Variants in NMI observed in about 807,000 individuals in gnomAD.
NMI encodes N-myc and STAT interactor.
A neutral mutation model predicts 34.3 loss-of-function variants in NMI; 39 were observed. The ratio of observed to expected loss-of-function variants is 1.14; its 90% CI spans 0.88 to 1.49. The LOEUF is 1.49. Among genes scored for constraint, NMI ranks in the 40% most tolerant of loss-of-function variants. The pLI, the probability that NMI is intolerant of heterozygous loss-of-function variation, is 0.00. For synonymous variants in NMI, 113 were observed against 120.3 expected, an observed-to-expected ratio of 0.94 and a Z score of 0.40; for missense variants, 339 against 358.1, an observed-to-expected ratio of 0.95 and a Z score of 0.43.
At chr2:151,286,091 A>C (rs1683490961) in intron 1 of NMI, among the ~76,000 whole-genome samples, 1 of 152,232 alleles carries the variant, frequency 6.6e-6, no homozygotes, top group Non-Finnish European at 1.5e-5. Context: ...AATTTCAAAG[A>C]AGAAAAGAGT....
At chr2:151,286,826 T>C (rs1683507337) in intron 1 of NMI, among the ~76,000 whole-genome samples, 1 of 152,090 alleles carries the variant, frequency 6.6e-6, no homozygotes, top group African/African-American at 2.4e-5. Flanking sequence ...CTTCCACATC[T>C]CCCTTTCCCC....
intron 6 of NMI, among the ~76,000 whole-genome samples, chr2:151,272,363 T>C (rs564676176): frequency 6.6e-6 from 1 of 152,230 alleles, no homozygotes; most frequent in East Asian, 1.9e-4. Flanking sequence ...CCATGTTTTT[T>C]ATGACTCTTC....
intron 1 of NMI, among the ~76,000 whole-genome samples, chr2:151,287,168 G>A (rs1573749695): frequency 6.6e-6 from 1 of 152,110 alleles, no homozygotes; most frequent in Admixed American, 6.6e-5. Flanking sequence ...AAGATGATAG[G>A]TCACCAGATT....
intron 4 of NMI, chr2:151,278,558 G>A: frequency 2.6e-6 from 1 of 384,156 alleles, no homozygotes; most frequent in Non-Finnish European, 4.8e-6. Context: ...GAGGTAGCAT[G>A]TGGAGTAGAA....
intron 1 of NMI, among the ~76,000 whole-genome samples, chr2:151,286,965 G>A (rs1240760266): frequency 1.3e-5 from 2 of 152,058 alleles, no homozygotes; most frequent in Non-Finnish European, 2.9e-5. Context: ...GCCCTTCAGA[G>A]AGCAAAGAGG....
Position 151,278,865 on chromosome 2 carries a change from T to C in NMI, c.303A>G (p.Gln101=), listed in dbSNP as rs769501756. 1.2e-6 allele frequency: 2 copies of C among 1,613,688 alleles called. No individual in the cohort carries two copies. The highest frequency in any genetic ancestry group is 2.2e-5 in the South Asian group (2 of 91,056). Residue 101 remains glutamine (Q), a synonymous_variant, in exon 4 of 8, where the codon CAA becomes CAG. Transcript: ENST00000243346. ...QVSSKVPYEI[Q]KGQALITFEK... is the part of the protein sequence containing the mutation. The stretch of plus-strand genomic sequence containing the variant: ...CAAAGGTGATAAGTGCTTGTCCTTT[T>C]TGTATCTCATAAGGAACTTTCGAGC...
chr2:151,270,911 A>G, intron 7 of NMI, 36 bp from the exon 8 acceptor site: 2 of 1,498,808 alleles, frequency 1.3e-6, no homozygotes, highest in Non-Finnish European at 1.8e-6. Flanking sequence ...AAAGATTTCT[A>G]AGAGCTTTGA....
At position 151,282,124 on chromosome 2, in the gene NMI, C is replaced by A. The variant is rs1683418718; in HGVS notation, c.82-81G>T. 2.7e-5 allele frequency: 18 copies of A among 664,226 alleles called. No individual in the cohort carries two copies. The South Asian group carries it at 3.1e-4, about 12-fold the overall frequency. The allele number at this position is 664,226 out of a possible 1,614,324, so 41.1% of individuals were successfully genotyped here. A position where few individuals can be genotyped will look rare whatever the true frequency, so the allele number is the denominator to read the frequency against. ...CGAATGAACTAAAGACTATAAATTT[C>A]TCTCATCCTGACCAAAGAAAGACAT... On this transcript the variant is annotated intron_variant, in intron 2 of 7. Transcript: ENST00000243346.
intron 1 of NMI, among the ~76,000 whole-genome samples, chr2:151,287,321 A>T (rs912756447): frequency 4.4e-5 from 5 of 114,286 alleles, no homozygotes; most frequent in Middle Eastern, 4.2e-3. Context: ...TCTCTCTCTC[A>T]CACACATACA....
intron 6 of NMI, among the ~76,000 whole-genome samples, chr2:151,274,574 C>G (rs915782447): frequency 3.3e-5 from 5 of 150,054 alleles, no homozygotes; most frequent in African/African-American, 1.2e-4. Flanking sequence ...CTCCTGGGTT[C>G]AAGCTATTCT....
In NMI at chr2:151,282,853, T is replaced by TA. The variant is rs745850526; in HGVS notation, c.81+14dup. ...TAAAATAATTTTTAATAATACCCAGTAATTTCCTTTTTACCTTATTTTGTT... is the reference window on the plus strand; with the variant it reads ...TAAAATAATTTTTAATAATACCCAGTAAATTTCCTTTTTACCTTATTTTGTT... On this transcript the variant is annotated intron_variant, in intron 2 of 7. Transcript: ENST00000243346. The TA allele has an allele frequency of 7.7e-7, 1 of 1,303,512 alleles. No individual in the cohort carries two copies. Among genetic ancestry groups the TA allele is most frequent in the East Asian group, 2.4e-5 (1 of 41,036 alleles). The allele number at this position is 1,303,512 out of a possible 1,614,324, so 80.7% of individuals were successfully genotyped here.
intron 4 of NMI, 82 bp from the exon 5 acceptor site, chr2:151,275,946 T>C: frequency 1.1e-6 from 1 of 923,592 alleles, no homozygotes. Flanking sequence ...CAAATTATCC[T>C]GAATATTTTT....
chr2:151,270,558 A>G lies in NMI; in HGVS notation c.*135T>C. 3 of 676,364 alleles carry G rather than the reference A, an allele frequency of 4.4e-6. No individual in the cohort carries two copies. The highest frequency in any genetic ancestry group is 7.3e-6 in the Non-Finnish European group (3 of 410,042). The allele number at this position is 676,364 out of a possible 1,614,324, so 41.9% of individuals were successfully genotyped here. A position where few individuals can be genotyped will look rare whatever the true frequency, so the allele number is the denominator to read the frequency against. On this transcript the variant is annotated 3_prime_UTR_variant, in exon 8 of 8. Coordinates refer to ENST00000243346, the MANE Select transcript of NMI (RefSeq NM_004688.3). ...ACAAAGAAGATTCAGAAACATGGAA[A>G]TAAGTTTTGTATCTAAACATAAATG...
At chr2:151,287,570 C>T (rs1683526738) in intron 1 of NMI, among the ~76,000 whole-genome samples, 1 of 152,104 alleles carries the variant, frequency 6.6e-6, no homozygotes, top group African/African-American at 2.4e-5. Flanking sequence ...ACTTAATCTC[C>T]ATCTAATGAA....
chr2:151,275,381 TA>T, intron 6 of NMI, 102 bp downstream of exon 6: 1 of 1,048,930 alleles, frequency 9.5e-7, no homozygotes, highest in Non-Finnish European at 1.4e-6. Flanking sequence ...ATTATCATGC[TA>T]ATACATTCCA....
intron 3 of NMI, 138 bp downstream of exon 3, chr2:151,281,810 T>C: frequency 1.6e-6 from 1 of 641,212 alleles, no homozygotes; most frequent in Non-Finnish European, 2.8e-6. Flanking sequence ...TGGGTTGTTT[T>C]CCATTTTGAA....
At chr2:151,286,519 C>T (rs764164404) in intron 1 of NMI, among the ~76,000 whole-genome samples, 3 of 152,132 alleles carry the variant, frequency 2.0e-5, no homozygotes, top group Non-Finnish European at 4.4e-5. Context: ...TCTCTCTGAC[C>T]TCCCCCTCCT....
rs541081261 is a variant in NMI at position 151,281,016 on chromosome 2, T to C, written c.177+932A>G. 1.3e-4 allele frequency among the ~76,000 whole-genome samples: 20 copies of C among 152,186 alleles called. No homozygotes were observed. In the East Asian group the frequency reaches 3.7e-3, roughly 28 times the overall value. ...CCACCATGCCTGGCTAATTTTTCTT[T>C]TTTAGTAGAGACAGGGTTTCACCAT... On this transcript the variant is annotated intron_variant, in intron 3 of 7. Coordinates refer to ENST00000243346, the MANE Select transcript of NMI (RefSeq NM_004688.3).
Position 151,289,596 on chromosome 2 carries a change from C to G in NMI, c.-10G>C, listed in dbSNP as rs1439473099. 1 of 152,264 alleles carries G rather than the reference C, an allele frequency of 6.6e-6. No homozygotes were observed. The highest frequency in any genetic ancestry group is 2.4e-5 in the African/African-American group (1 of 41,462). 9.4% of individuals were successfully genotyped at this position (152,264 alleles called of 1,614,324 possible). On this transcript the variant is annotated 5_prime_UTR_variant, in exon 1 of 8. Transcript: ENST00000243346. Reference sequence around the variant, plus strand: ...GGGGAAGGGACTCCCCACTCACCCGCGTCCGCCCGCCGAGCGCAGCTCCCC... The same window carrying G: ...GGGGAAGGGACTCCCCACTCACCCGGGTCCGCCCGCCGAGCGCAGCTCCCC...
Sources: gnomAD v4.1 joint callset for allele counts (sites outside exome capture counted in the v4.1 genomes callset) on GRCh38, gnomAD v4.1.1 for gene constraint, MANE v1.5 for transcripts, NCBI Gene and HGNC (gene_info 2026-07-23, HGNC 2026-07-21) for gene names.